Variants in PDE4D observed in about 807,000 individuals in gnomAD.
The protein encoded by PDE4D is 3',5'-cyclic-AMP phosphodiesterase 4D.
In PDE4D, 24 loss-of-function variants were observed where a neutral mutation model predicts 87.4. The observed-to-expected ratio is 0.27, with a 90% CI of 0.20 to 0.39. PDE4D has a LOEUF of 0.39. Ranked by LOEUF, PDE4D falls within the 10% of genes least tolerant of loss-of-function variation. The pLI is 1.00. For missense variants in PDE4D, 714 were observed against 1,041.0 expected, an observed-to-expected ratio of 0.69 and a Z score of 4.32; for synonymous variants, 384 against 383.2, an observed-to-expected ratio of 1.00 and a Z score of -0.02.
intron 1 of PDE4D, among the ~76,000 whole-genome samples, chr5:59,279,408 G>T (rs1765406048): frequency 6.6e-6 from 1 of 152,174 alleles, no homozygotes; most frequent in Admixed American, 6.6e-5. Flanking sequence ...GCAATTTCTA[G>T]AGGTTTCTTT....
At chr5:59,314,568 C>T (rs1027961220) in intron 1 of PDE4D, 9 of 152,164 alleles carry the variant, frequency 5.9e-5, no homozygotes, top group Admixed American at 2.6e-4. Context: ...TCTAGATTAC[C>T]TCCTTGCAGA....
chr5:59,581,374 A>G (rs191164969), intron 1 of PDE4D, among the ~76,000 whole-genome samples: 20 of 152,200 alleles, frequency 1.3e-4, no homozygotes, highest in African/African-American at 4.8e-4. Flanking sequence ...ACATTAGTGT[A>G]AGTAACTCAG....
intron 1 of PDE4D, among the ~76,000 whole-genome samples, chr5:60,432,125 G>GT (rs1227101650): frequency 6.6e-6 from 1 of 152,038 alleles, no homozygotes; most frequent in Non-Finnish European, 1.5e-5. Context: ...GAGGGGATTA[G>GT]TTTTTTTTAT....
intron 5 of PDE4D, among the ~76,000 whole-genome samples, chr5:59,178,910 A>G (rs1212406275): frequency 2.0e-5 from 3 of 152,036 alleles, no homozygotes; most frequent in Non-Finnish European, 4.4e-5. Flanking sequence ...GGCTTCTCTC[A>G]CTAGAGGCCT....
At chr5:60,501,744 A>G (rs1000377815) in intron 1 of PDE4D, among the ~76,000 whole-genome samples, 2 of 152,066 alleles carry the variant, frequency 1.3e-5, no homozygotes, top group Non-Finnish European at 2.9e-5. Context: ...CATTTCTCTG[A>G]TGGCCAGTGA....
chr5:60,230,357 T>C (rs1745654003), intron 1 of PDE4D, among the ~76,000 whole-genome samples: 1 of 151,992 alleles, frequency 6.6e-6, no homozygotes, highest in Non-Finnish European at 1.5e-5. Context: ...AAAAAACAAG[T>C]CCCCATTCTT....
chr5:59,905,894 G>A (rs1299199398), intron 3 of PDE4D, among the ~76,000 whole-genome samples: 2 of 152,030 alleles, frequency 1.3e-5, no homozygotes, highest in Non-Finnish European at 2.9e-5. Context: ...CCTTTAAGCC[G>A]GCAATGAATA....
At chr5:59,462,502 A>G (rs1424503652) in intron 1 of PDE4D, among the ~76,000 whole-genome samples, 1 of 152,186 alleles carries the variant, frequency 6.6e-6, no homozygotes, top group Admixed American at 6.5e-5. Context: ...TTTTGTGAGA[A>G]TCAGATGAGT....
At chr5:60,273,867 A>C (rs1169743745) in intron 1 of PDE4D, among the ~76,000 whole-genome samples, 2 of 152,088 alleles carry the variant, frequency 1.3e-5, no homozygotes, top group African/African-American at 4.8e-5. Flanking sequence ...AAAAATGTCC[A>C]CTCAGTGACA....
intron 1 of PDE4D, among the ~76,000 whole-genome samples, chr5:59,340,570 T>C (rs1236427627): frequency 6.6e-6 from 1 of 152,086 alleles, no homozygotes; most frequent in African/African-American, 2.4e-5. Context: ...AAATGTACAA[T>C]AAATTATTGT....
At chr5:58,994,861 C>CA (rs997322181) in intron 6 of PDE4D, among the ~76,000 whole-genome samples, 3 of 151,770 alleles carry the variant, frequency 2.0e-5, no homozygotes, top group Non-Finnish European at 4.4e-5. Context: ...TAGTCAAAAA[C>CA]AAAGAACTCG....
At chr5:59,364,966 G>A (rs560336080) in intron 1 of PDE4D, among the ~76,000 whole-genome samples, 2 of 152,068 alleles carry the variant, frequency 1.3e-5, no homozygotes, top group South Asian at 4.2e-4. Context: ...CTGCCTGCTA[G>A]TAGTCAATGG....
chr5:59,497,699 G>A (rs1299325517), intron 1 of PDE4D, among the ~76,000 whole-genome samples: 1 of 152,102 alleles, frequency 6.6e-6, no homozygotes, highest in Admixed American at 6.5e-5. Flanking sequence ...TATGTAAAGT[G>A]ACATTGGCAT....
At chr5:60,007,949 G>T (rs1221511548) in intron 2 of PDE4D, among the ~76,000 whole-genome samples, 1 of 151,872 alleles carries the variant, frequency 6.6e-6, no homozygotes, top group Non-Finnish European at 1.5e-5. Flanking sequence ...AACCTGTTTT[G>T]CCACATTTAT....
chr5:59,514,094 G>C (rs567696051), intron 1 of PDE4D, among the ~76,000 whole-genome samples: 1 of 151,558 alleles, frequency 6.6e-6, no homozygotes, highest in South Asian at 2.1e-4. Flanking sequence ...GCCAAGGTAA[G>C]TGTTTACATT....
At chr5:59,535,881 G>A (rs958587842) in intron 1 of PDE4D, among the ~76,000 whole-genome samples, 6 of 152,140 alleles carry the variant, frequency 3.9e-5, no homozygotes, top group African/African-American at 1.2e-4. Flanking sequence ...TCCTAAAATC[G>A]CTAGATGGAC....
At chr5:59,470,244 T>A (rs1802241986) in intron 1 of PDE4D, among the ~76,000 whole-genome samples, 1 of 152,140 alleles carries the variant, frequency 6.6e-6, no homozygotes, top group African/African-American at 2.4e-5. Context: ...AGATAGGGAA[T>A]GTGCATTTCT....
intron 2 of PDE4D, among the ~76,000 whole-genome samples, chr5:60,109,070 G>A (rs966246409): frequency 2.0e-5 from 3 of 150,848 alleles, no homozygotes; most frequent in Non-Finnish European, 4.5e-5. Flanking sequence ...AGAGTGAACA[G>A]GCAACCTACA....
At chr5:60,285,541 T>A (rs1752339766) in intron 1 of PDE4D, among the ~76,000 whole-genome samples, 1 of 150,628 alleles carries the variant, frequency 6.6e-6, no homozygotes, top group South Asian at 2.1e-4. Context: ...AAATAAAAAA[T>A]TACAGGGAAG....
Sources: gnomAD v4.1 joint callset for allele counts (sites outside exome capture counted in the v4.1 genomes callset) on GRCh38, gnomAD v4.1.1 for gene constraint, MANE v1.5 for transcripts, NCBI Gene and HGNC (gene_info 2026-07-23, HGNC 2026-07-21) for gene names.